The following SLC25A23 variants were observed in gnomAD, a reference collection of about 807,000 sequenced individuals.
SLC25A23 encodes the protein solute carrier family 25 member 23.
In SLC25A23, 32 loss-of-function variants were observed where a neutral mutation model predicts 53.9. The observed-to-expected ratio is 0.59, with a 90% CI of 0.45 to 0.80. The LOEUF is 0.80. Among genes scored for constraint, SLC25A23 ranks in the 30% least tolerant of loss-of-function variants. The pLI is 0.00. For missense variants in SLC25A23, 575 were observed against 651.4 expected (o/e 0.88, Z 1.28); for synonymous variants, 275 against 264.5 (o/e 1.04, Z -0.38).
chr19:6,453,975 T>A lies in SLC25A23; in HGVS notation c.903+6A>T, dbSNP rs906213914. The A allele has an allele frequency of 5.6e-6, 9 of 1,609,032 alleles. No individual in the cohort carries two copies. Among genetic ancestry groups the A allele is most frequent in the Non-Finnish European group, 7.6e-6 (9 of 1,177,352 alleles). ...TGGGGCCTCCGCTGGGGTCCCTCCT[T>A]CTCACCTCCATAGGGTAAATGATGG... On this transcript the variant is annotated splice_donor_region_variant and intron_variant, in intron 7 of 9. Coordinates refer to ENST00000301454, the MANE Select transcript of SLC25A23 (RefSeq NM_024103.3).
intron 7 of SLC25A23, 40 bp downstream of exon 7, chr19:6,453,931 CAGGCCCCCCA>C (rs2092632849): frequency 1.2e-5 from 17 of 1,456,234 alleles, no homozygotes; most frequent in Non-Finnish European, 1.6e-5. Context: ...ATGGGTACAG[CAGGCCCCCCA>C]CCCTGCCATG....
downstream of SLC25A23, chr19:6,438,749 T>G (rs1437445057): frequency 3.2e-6 from 1 of 316,046 alleles, no homozygotes; most frequent in Non-Finnish European, 6.8e-6. Flanking sequence ...CTCTGGAGGC[T>G]GAGGCAGGAG....
intron 4 of SLC25A23, chr19:6,455,904 A>T: frequency 1.5e-6 from 1 of 656,110 alleles, no homozygotes. Context: ...ATATTTTTGT[A>T]GAGACGGGGT....
rs756746350 is a variant in SLC25A23, at chr19:6,441,991, C to T, written c.1391G>A (p.Gly464Glu). ...VVYENMKQAL[G>E]VTSR ...CCGGGTCCCTCACCTGGACGTGACC[C>T]CCAAGGCCTGCTTCATGTTCTCGTA... Residue 464 changes from glycine (G) to glutamate (E), a missense_variant, in exon 10 of 10, where the codon GGG becomes GAG. Transcript: ENST00000301454. 1.9e-6 allele frequency: 3 copies of T among 1,613,738 alleles called. No individual in the cohort carries two copies. The East Asian group carries it at 6.7e-5, about 36-fold the overall frequency.
intron 9 of SLC25A23, 139 bp downstream of exon 9, chr19:6,444,012 C>A (rs1022599261): frequency 1.3e-5 from 12 of 903,244 alleles, no homozygotes; most frequent in Non-Finnish European, 1.9e-5. Flanking sequence ...ACTCCCATTT[C>A]AATGTCACAA....
chr19:6,447,318 T>C (rs966903645), intron 8 of SLC25A23, among the ~76,000 whole-genome samples: 1 of 152,072 alleles, frequency 6.6e-6, no homozygotes, highest in Non-Finnish European at 1.5e-5. Context: ...ATTATTATTA[T>C]TGAGACAGGG....
At chr19:6,438,832 A>C, downstream of SLC25A23, 1 of 216,360 alleles carries the variant, frequency 4.6e-6, no homozygotes, top group Non-Finnish European at 1.0e-5. Context: ...CTGGGAAACA[A>C]GAGCAAGACT....
Position 6,459,779 on chromosome 19 carries a change from C to T in SLC25A23, c.-151G>A, listed in dbSNP as rs149456284. 6.8e-6 allele frequency: 4 copies of T among 587,992 alleles called. No homozygotes were observed. Among genetic ancestry groups the T allele is most frequent in the Non-Finnish European group, 9.6e-6 (4 of 416,502 alleles). The allele number at this position is 587,992 out of a possible 1,614,324, so 36.4% of individuals were successfully genotyped here. On this transcript the variant is annotated 5_prime_UTR_variant, in exon 1 of 10. Transcript: ENST00000301454. The surrounding 1 kb of genome is among the most constrained non-coding windows in gnomAD (Gnocchi z 4.6). ...GCAGTCCGCTCGGCTCTGGCACTTG[C>T]GGGAGGTGGTGACGGCTAGCCGTCG...
At chr19:6,443,280 G>C (rs1358392893) in intron 9 of SLC25A23, among the ~76,000 whole-genome samples, 1 of 152,124 alleles carries the variant, frequency 6.6e-6, no homozygotes, top group Non-Finnish European at 1.5e-5. Flanking sequence ...CTGTCACCCA[G>C]GCTGGAGTGT....
chr19:6,452,483 G>A lies in SLC25A23; in HGVS notation c.904-4C>T. The A allele has an allele frequency of 6.3e-7, 1 of 1,596,164 alleles. No homozygotes were observed. The highest frequency in any genetic ancestry group is 8.6e-7 in the Non-Finnish European group (1 of 1,167,874). On this transcript the variant is annotated splice_region_variant and splice_polypyrimidine_tract_variant and intron_variant, in intron 7 of 9. Transcript: ENST00000301454. Reference sequence around the variant, plus strand: ...AGGTCAGCCGCGTCTTCAGCACCTGGGGAGAACCTGGTTATCCCTGGAAAA... The same window carrying A: ...AGGTCAGCCGCGTCTTCAGCACCTGAGGAGAACCTGGTTATCCCTGGAAAA...
chr19:6,457,082 T>C (rs1450048671), intron 3 of SLC25A23, among the ~76,000 whole-genome samples: 13 of 133,678 alleles, frequency 9.7e-5, no homozygotes, highest in East Asian at 7.9e-4. Context: ...TTTTTTTTTT[T>C]CCAGAAGGAG....
chr19:6,455,913 G>T (rs2145047842), intron 4 of SLC25A23: 3 of 748,140 alleles, frequency 4.0e-6, no homozygotes, highest in South Asian at 1.5e-5. Flanking sequence ...TAGAGACGGG[G>T]TTTCACCATG....
intron 2 of SLC25A23, 53 bp downstream of exon 2, chr19:6,458,145 G>C (rs1190063559): frequency 2.4e-5 from 38 of 1,596,898 alleles, no homozygotes; most frequent in Non-Finnish European, 3.2e-5. Flanking sequence ...GATGTCTCTA[G>C]GGCCCCCACA....
intron 1 of SLC25A23, 99 bp from the exon 2 acceptor site, chr19:6,458,423 C>T (rs750638177): frequency 6.5e-6 from 9 of 1,375,196 alleles, no homozygotes; most frequent in African/African-American, 4.4e-5. Context: ...GAGCCCCCAG[C>T]GCCTTGAGGA....
chr19:6,439,438 C>A (rs1455105769), downstream of SLC25A23, among the ~76,000 whole-genome samples: 1 of 147,806 alleles, frequency 6.8e-6, no homozygotes, highest in Non-Finnish European at 1.5e-5. Context: ...CACACACAGA[C>A]ACACAAATTG....
At chr19:6,448,147 A>C (rs920356267) in intron 8 of SLC25A23, among the ~76,000 whole-genome samples, 4 of 152,320 alleles carry the variant, frequency 2.6e-5, no homozygotes, top group Middle Eastern at 3.4e-3. Flanking sequence ...CTGTAAGAAC[A>C]AGACCTTCTT....
rs1003308342 is a variant in SLC25A23 at position 6,456,133 on chromosome 19, T to C, written c.483+287A>G. 7 of 1,426,834 alleles carry C rather than the reference T, an allele frequency of 4.9e-6. No individual in the cohort carries two copies. The African/African-American group carries it at 5.7e-5, about 12-fold the overall frequency. 88.4% of individuals were successfully genotyped at this position (1,426,834 alleles called of 1,614,324 possible). A position where few individuals can be genotyped will look rare whatever the true frequency, so the allele number is the denominator to read the frequency against. On this transcript the variant is annotated intron_variant, in intron 4 of 9. Transcript: ENST00000301454. ...GTGGGAGGCCTTGTACCCCATCTGGTGAGCTCTTTCTTCCCTGTACCCGCA... is the reference window on the plus strand; with the variant it reads ...GTGGGAGGCCTTGTACCCCATCTGGCGAGCTCTTTCTTCCCTGTACCCGCA...
chr19:6,456,645 C>A (rs2092686590), intron 3 of SLC25A23, 114 bp from the exon 4 acceptor site: 3 of 691,450 alleles, frequency 4.3e-6, no homozygotes, highest in Non-Finnish European at 7.7e-6. Flanking sequence ...CTCATATCAA[C>A]CCTATTAGAG....
At position 6,454,533 on chromosome 19, in the gene SLC25A23, G is replaced by A; in HGVS notation, c.642+26C>T. On this transcript the variant is annotated intron_variant, in intron 5 of 9. Coordinates refer to ENST00000301454, the MANE Select transcript of SLC25A23 (RefSeq NM_024103.3). This position sits in a 1 kb window ranked among gnomAD's most constrained non-coding sequence, Gnocchi z 4.3. ...TCCCAGGTGTCAGGCCTGGGGGAGG[G>A]GGCAGGTCTCTCCAGAGCCCCTCAC... 2 of 1,613,202 alleles carry A rather than the reference G, an allele frequency of 1.2e-6. No individual in the cohort carries two copies. The highest frequency in any genetic ancestry group is 1.7e-6 in the Non-Finnish European group (2 of 1,179,572).
Sources: allele counts gnomAD v4.1 joint callset (sites outside exome capture counted in the v4.1 genomes callset), GRCh38; gene constraint gnomAD v4.1.1; non-coding constraint Gnocchi (gnomAD v3.1); transcripts MANE v1.5; gene names NCBI Gene and HGNC (gene_info 2026-07-23, HGNC 2026-07-21).